ARHGEF18: variants seen among roughly 807,000 people sequenced by gnomAD.
ARHGEF18 encodes Rho/Rac guanine nucleotide exchange factor 18.
ARHGEF18 carries 93 observed loss-of-function variants against 155.7 expected under a neutral mutation model. That is an observed-to-expected ratio of 0.60 (90% CI 0.50 to 0.71). ARHGEF18 has a LOEUF of 0.71. Ranked by LOEUF, ARHGEF18 falls within the 30% of genes least tolerant of loss-of-function variation. The pLI is 0.00. For missense variants in ARHGEF18, 1,593 were observed against 1,816.1 expected, an observed-to-expected ratio of 0.88 and a Z score of 2.23; for synonymous variants, 742 against 753.1, an observed-to-expected ratio of 0.99 and a Z score of 0.24.
At chr19:7,407,250 A>AC (rs1044077122) in intron 10 of ARHGEF18, among the ~76,000 whole-genome samples, 9 of 143,794 alleles carry the variant, frequency 6.3e-5, no homozygotes, top group African/African-American at 2.1e-4. Flanking sequence ...CATGGTGAAA[A>AC]CCCCGTCTCT....
rs1442605247 is a variant in ARHGEF18, at chr19:7,440,140, G to A, written c.968-204G>A. ...CACTCCAAAAGCGGGGACAGGCACA[G>A]CGCGCTCCCCGGCCGCCCCGAGCTG... On this transcript the variant is annotated intron_variant, in intron 10 of 28. Coordinates refer to ENST00000668164, the MANE Select transcript of ARHGEF18 (RefSeq NM_001367823.1). This position sits in a 1 kb window ranked among gnomAD's most constrained non-coding sequence, Gnocchi z 5.4. 6.4e-7 allele frequency: 1 copy of A among 1,551,296 alleles called. No individual in the cohort carries two copies. Among genetic ancestry groups the A allele is most frequent in the Admixed American group, 2.0e-5 (1 of 51,008 alleles).
At chr19:7,442,225 C>CTCTTTCTT (rs137965807) in intron 13 of ARHGEF18, among the ~76,000 whole-genome samples, 173 bp downstream of exon 13, 27 of 148,320 alleles carry the variant, frequency 1.8e-4, no homozygotes, top group African/African-American at 6.7e-4. Flanking sequence ...TCCTCTTTCT[C>CTCTTTCTT]TCTTTCTTTC....
At chr19:7,431,706 C>T (rs1415910783) in intron 10 of ARHGEF18, among the ~76,000 whole-genome samples, 5 of 152,036 alleles carry the variant, frequency 3.3e-5, no homozygotes, top group African/African-American at 9.7e-5. Flanking sequence ...CCCAGCTACT[C>T]GGGAGGCTGA....
intron 16 of ARHGEF18, among the ~76,000 whole-genome samples, chr19:7,453,138 A>G (rs982671139): frequency 2.6e-5 from 4 of 152,062 alleles, no homozygotes; most frequent in African/African-American, 9.7e-5. Flanking sequence ...GACAGGTTGC[A>G]GTGAGCTGAG....
rs1977066367 is a variant in ARHGEF18 at position 7,472,154 on chromosome 19, CCA to C, written c.*1858_*1859del. On this transcript the variant is annotated 3_prime_UTR_variant, in exon 29 of 29. Coordinates refer to ENST00000668164, the MANE Select transcript of ARHGEF18 (RefSeq NM_001367823.1). ...AGAAGTTCAAGGAATTTCTGCTCGG[CCA>C]CGCGGTGGGAACCCCGCGTCCCCGC... 1 of 152,350 alleles carries C rather than the reference CCA, an allele frequency of 6.6e-6. No homozygotes were observed. The highest frequency in any genetic ancestry group is 1.5e-5 in the Non-Finnish European group (1 of 68,046). The allele number at this position is 152,350 out of a possible 1,614,324, so 9.4% of individuals were successfully genotyped here. A position where few individuals can be genotyped will look rare whatever the true frequency, so the allele number is the denominator to read the frequency against.
chr19:7,356,435 G>A (rs1010151577), intron 1 of ARHGEF18, among the ~76,000 whole-genome samples: 5 of 151,784 alleles, frequency 3.3e-5, no homozygotes. Flanking sequence ...CACCACACCT[G>A]GCTAATTTAT....
Position 7,467,651 on chromosome 19 carries a change from G to C in ARHGEF18, c.3447G>C (p.Ala1149=). The C allele has an allele frequency of 1.3e-6, 2 of 1,514,834 alleles. No individual in the cohort carries two copies. Among genetic ancestry groups the C allele is most frequent in the Non-Finnish European group, 1.8e-6 (2 of 1,139,174 alleles). The allele number at this position is 1,514,834 out of a possible 1,614,324, so 93.8% of individuals were successfully genotyped here. The part of the protein sequence containing the change: ...LLRRLKKQNT[A]PGALPPDTLA... ...GCCGCCTCAAGAAGCAGAACACCGC[G>C]CCAGGCGCGCTGCCGCCCGACACAC... Residue 1149 remains alanine (A), a synonymous_variant, in exon 26 of 29, where the codon GCG becomes GCC. Transcript: ENST00000668164.
At chr19:7,436,443 A>G (rs921257490) in intron 10 of ARHGEF18, among the ~76,000 whole-genome samples, 3 of 151,708 alleles carry the variant, frequency 2.0e-5, no homozygotes, top group African/African-American at 4.8e-5. Flanking sequence ...CTGCCAAGCT[A>G]ATTTTTGTAT....
chr19:7,423,505 G>A (rs12462193), intron 10 of ARHGEF18, among the ~76,000 whole-genome samples: 79,343 of 151,646 alleles, frequency 0.52, 21,287 homozygotes, highest in Middle Eastern at 0.73. Flanking sequence ...TTTGAGACCA[G>A]CCTGGCCAAC....
intron 15 of ARHGEF18, among the ~76,000 whole-genome samples, chr19:7,448,481 G>T (rs1333137260): frequency 6.6e-6 from 1 of 152,186 alleles, no homozygotes; most frequent in Non-Finnish European, 1.5e-5. Context: ...CTAACATGGT[G>T]AAACCTGGTC....
chr19:7,390,501 T>C (rs897486984), intron 10 of ARHGEF18: 1 of 135,236 alleles, frequency 7.4e-6, no homozygotes, highest in African/African-American at 2.7e-5. Flanking sequence ...AGAGCGAGAC[T>C]CTGTATCAAA....
chr19:7,473,788 A>G (rs564926921), downstream of ARHGEF18, among the ~76,000 whole-genome samples: 24 of 140,432 alleles, frequency 1.7e-4, no homozygotes, highest in Non-Finnish European at 3.2e-4. Context: ...CAGCCTAGGC[A>G]ATAGAGCGAG....
At chr19:7,369,654 G>A (rs566136258) in intron 2 of ARHGEF18, among the ~76,000 whole-genome samples, 148 of 151,932 alleles carry the variant, frequency 9.7e-4, no homozygotes, top group Admixed American at 1.4e-3. Context: ...AAAATTAGCC[G>A]GGCATTGTGG....
chr19:7,387,329 T>A (rs1239917181), intron 10 of ARHGEF18, among the ~76,000 whole-genome samples: 1 of 151,674 alleles, frequency 6.6e-6, no homozygotes, highest in Non-Finnish European at 1.5e-5. Context: ...ATTTTTTGTA[T>A]TTTTAGTAGA....
intron 10 of ARHGEF18, among the ~76,000 whole-genome samples, chr19:7,431,908 T>C (rs80141774): frequency 6.6e-6 from 1 of 152,224 alleles, no homozygotes; most frequent in Admixed American, 6.5e-5. Context: ...CACATTTTTT[T>C]AAATGGTATT....
In ARHGEF18 at chr19:7,468,884, G is replaced by T; in HGVS notation, c.3540G>T (p.Val1180=). ...GGGAAGGGCTGGAGGGCCCTCGTGTGAGCATGCTGCCATCCGGCGTGGGGC... is the reference window on the plus strand; with the variant it reads ...GGGAAGGGCTGGAGGGCCCTCGTGTTAGCATGCTGCCATCCGGCGTGGGGC... ...FNGEGLEGPR[V]SMLPSGVGPE... Residue 1180 remains valine, a synonymous_variant, in exon 27 of 29, where the codon GTG becomes GTT. Transcript: ENST00000668164. The T allele has an allele frequency of 1.3e-6, 2 of 1,573,494 alleles. No individual in the cohort carries two copies. The highest frequency in any genetic ancestry group is 1.7e-6 in the Non-Finnish European group (2 of 1,159,370).
intron 2 of ARHGEF18, among the ~76,000 whole-genome samples, chr19:7,364,402 A>AAGGAAGGCAGGCAGGC (rs36151895): frequency 2.3e-5 from 3 of 129,760 alleles, no homozygotes; most frequent in African/African-American, 5.3e-5. Flanking sequence ...GGAAGGAAGG[A>AAGGAAGGCAGGCAGGC]AGGCAGGCTG....
rs769223040 is a variant in ARHGEF18, at chr19:7,458,475, T to G, written c.2182-37T>G. On this transcript the variant is annotated intron_variant, in intron 18 of 28. Coordinates refer to ENST00000668164, the MANE Select transcript of ARHGEF18 (RefSeq NM_001367823.1). ...TCCCTGCTGTTTGGGTGCTGTGGGG[T>G]AAAGGGTGACCTCCCCAATGCCCTC... The G allele has an allele frequency of 1.9e-5, 30 of 1,595,352 alleles. No individual in the cohort carries two copies. The South Asian group carries it at 3.3e-4, about 17-fold the overall frequency.
In ARHGEF18 at chr19:7,440,141, C is replaced by T. The variant is rs753667159; in HGVS notation, c.968-203C>T. 6.4e-7 allele frequency: 1 copy of T among 1,551,264 alleles called. No individual in the cohort carries two copies. Among genetic ancestry groups the T allele is most frequent in the African/African-American group, 1.4e-5 (1 of 73,148 alleles). Reference sequence around the variant, plus strand: ...ACTCCAAAAGCGGGGACAGGCACAGCGCGCTCCCCGGCCGCCCCGAGCTGT... The same window carrying T: ...ACTCCAAAAGCGGGGACAGGCACAGTGCGCTCCCCGGCCGCCCCGAGCTGT... On this transcript the variant is annotated intron_variant, in intron 10 of 28. Coordinates refer to ENST00000668164, the MANE Select transcript of ARHGEF18 (RefSeq NM_001367823.1). This position sits in a 1 kb window ranked among gnomAD's most constrained non-coding sequence, Gnocchi z 5.4.
Sources: allele counts gnomAD v4.1 joint callset (sites outside exome capture counted in the v4.1 genomes callset), GRCh38; gene constraint gnomAD v4.1.1; non-coding constraint Gnocchi (gnomAD v3.1); transcripts MANE v1.5; gene names NCBI Gene and HGNC (gene_info 2026-07-23, HGNC 2026-07-21).